The following BTRC variants were observed in gnomAD, a reference collection of about 807,000 sequenced individuals.
The protein encoded by BTRC is F-box/WD repeat-containing protein 1A.
BTRC carries 42 observed loss-of-function variants against 85.5 expected under a neutral mutation model. The ratio of observed to expected loss-of-function variants is 0.49; its 90% CI spans 0.38 to 0.64. The LOEUF (loss-of-function observed/expected upper bound fraction) is 0.64, where lower values mean the gene tolerates loss of function less well. Ranked by LOEUF, BTRC falls within the 30% of genes least tolerant of loss-of-function variation. The pLI is 0.00. For synonymous variants in BTRC, 255 were observed against 263.3 expected, an observed-to-expected ratio of 0.97 and a Z score of 0.30; for missense variants, 594 against 743.5, an observed-to-expected ratio of 0.80 and a Z score of 2.34.
intron 2 of BTRC, among the ~76,000 whole-genome samples, chr10:101,460,614 G>A (rs1945198975): frequency 6.6e-6 from 1 of 152,168 alleles, no homozygotes; most frequent in African/African-American, 2.4e-5. Flanking sequence ...CTTACTAAAG[G>A]TGACACACAG....
chr10:101,460,533 T>TA (rs1414742822), intron 2 of BTRC, among the ~76,000 whole-genome samples: 1 of 152,204 alleles, frequency 6.6e-6, no homozygotes, highest in Non-Finnish European at 1.5e-5. Flanking sequence ...ATCACAAATG[T>TA]AAAATATCAA....
intron 1 of BTRC, among the ~76,000 whole-genome samples, chr10:101,417,183 C>T (rs1032981798): frequency 6.6e-6 from 1 of 152,022 alleles, no homozygotes; most frequent in Admixed American, 6.6e-5. Flanking sequence ...TCCACAGATC[C>T]CATTCAAGTT....
intron 1 of BTRC, among the ~76,000 whole-genome samples, chr10:101,372,847 G>A (rs1355046178): frequency 6.6e-6 from 1 of 151,852 alleles, no homozygotes; most frequent in Non-Finnish European, 1.5e-5. Flanking sequence ...GCAACAGAGC[G>A]AGACTGTTTC....
intron 1 of BTRC, among the ~76,000 whole-genome samples, chr10:101,411,161 A>T (rs957086195): frequency 1.3e-5 from 2 of 151,518 alleles, no homozygotes; most frequent in Non-Finnish European, 2.9e-5. Flanking sequence ...ACGCCTGGCT[A>T]TTTTGTTTTT....
chr10:101,535,289 C>T, intron 10 of BTRC, 65 bp from the exon 11 acceptor site: 2 of 1,223,690 alleles, frequency 1.6e-6, no homozygotes, highest in Non-Finnish European at 2.4e-6. Flanking sequence ...TCTAAGACTC[C>T]ATTTGCCATA....
intron 1 of BTRC, among the ~76,000 whole-genome samples, chr10:101,366,879 T>TATATATATATTTATGTATATTA (rs1942421518): frequency 1.3e-4 from 3 of 23,864 alleles, no homozygotes; most frequent in Non-Finnish European, 3.2e-4. Flanking sequence ...AATATATATT[T>TATATATATATTTATGTATATTA]ATATATATTT....
intron 1 of BTRC, among the ~76,000 whole-genome samples, chr10:101,356,207 G>A (rs1037341923): frequency 4.6e-5 from 7 of 152,060 alleles, no homozygotes; most frequent in Admixed American, 2.0e-4. Flanking sequence ...TCACTATGTT[G>A]GCCAGGATGG....
chr10:101,384,630 A>C (rs1195134740), intron 1 of BTRC, among the ~76,000 whole-genome samples: 1 of 152,230 alleles, frequency 6.6e-6, no homozygotes, highest in East Asian at 1.9e-4. Flanking sequence ...TCAAAGGCTC[A>C]GGTTTGGACT....
At position 101,553,735 on chromosome 10, in the gene BTRC, T is replaced by G. The variant is rs2062687405; in HGVS notation, c.*612T>G. On this transcript the variant is annotated 3_prime_UTR_variant, in exon 15 of 15. Transcript: ENST00000370187. ...CACAAGAATGTATACACTGGAAGAT[T>G]TGGGCCTCCTGCCTGCCTTCTCTTT... 5 of 152,838 alleles carry G rather than the reference T, an allele frequency of 3.3e-5. No individual in the cohort carries two copies. The allele number at this position is 152,838 out of a possible 1,614,324, so 9.5% of individuals were successfully genotyped here.
chr10:101,549,713 C>CAAAAAAA lies in BTRC; in HGVS notation c.1657-969_1657-963dup, dbSNP rs755481178. ...GGGGCGAAAGAGCGAGACTCTGTCTCAAAAAAAAAAAAAAAAAAAAAAAGA... is the reference window on the plus strand; with the variant it reads ...GGGGCGAAAGAGCGAGACTCTGTCTCAAAAAAAAAAAAAAAAAAAAAAAAAAAAAAGA... On this transcript the variant is annotated intron_variant, in intron 13 of 14. Transcript: ENST00000370187. 1.6e-3 allele frequency among the ~76,000 whole-genome samples: 68 copies of CAAAAAAA among 42,756 alleles called. 9 individuals carry two copies. Among genetic ancestry groups the CAAAAAAA allele is most frequent in the African/African-American group, 4.1e-3 (32 of 7,734 alleles). 28.0% of individuals were successfully genotyped at this position (42,756 alleles called of 152,430 possible). A position where few individuals can be genotyped will look rare whatever the true frequency, so the allele number is the denominator to read the frequency against.
intron 1 of BTRC, among the ~76,000 whole-genome samples, chr10:101,419,611 C>G (rs1944042699): frequency 6.6e-6 from 1 of 152,178 alleles, no homozygotes; most frequent in Admixed American, 6.5e-5. Context: ...AGCGTGCAAA[C>G]CAAGAAGGCA....
At chr10:101,455,983 A>AACACACACACACAC (rs745628596) in intron 2 of BTRC, among the ~76,000 whole-genome samples, 9,649 of 95,958 alleles carry the variant, frequency 0.1, 715 homozygotes, top group South Asian at 0.13. Flanking sequence ...CTCTACTAAA[A>AACACACACACACAC]ACACACACAC....
At chr10:101,447,137 AT>A (rs1201332802) in intron 2 of BTRC, among the ~76,000 whole-genome samples, 1 of 152,202 alleles carries the variant, frequency 6.6e-6, no homozygotes, top group Non-Finnish European at 1.5e-5. Flanking sequence ...TAGAGCAGCT[AT>A]TTCAGGAATC....
intron 2 of BTRC, among the ~76,000 whole-genome samples, chr10:101,452,941 A>G (rs544810100): frequency 6.6e-6 from 1 of 152,292 alleles, no homozygotes; most frequent in Admixed American, 6.5e-5. Flanking sequence ...CTGAACTTAA[A>G]TGACCTAAGT....
intron 4 of BTRC, among the ~76,000 whole-genome samples, chr10:101,501,413 A>C (rs759930799): frequency 7.2e-5 from 11 of 152,184 alleles, no homozygotes; most frequent in Non-Finnish European, 1.3e-4. Flanking sequence ...TACTTCCCCC[A>C]GGTTGTATGG....
At chr10:101,500,908 C>T (rs868653159) in intron 4 of BTRC, among the ~76,000 whole-genome samples, 3 of 151,948 alleles carry the variant, frequency 2.0e-5, no homozygotes, top group East Asian at 1.9e-4. Flanking sequence ...TTTTAAAATT[C>T]GAGGGCCAGG....
intron 4 of BTRC, among the ~76,000 whole-genome samples, chr10:101,480,751 A>G (rs1404183441): frequency 1.3e-5 from 2 of 152,240 alleles, no homozygotes; most frequent in Non-Finnish European, 2.9e-5. Context: ...TATAAGAAAT[A>G]TCAGAATTTA....
At position 101,481,790 on chromosome 10, in the gene BTRC, C is replaced by T. The variant is rs1037316622; in HGVS notation, c.324+2333C>T. ...CATTATTCTGACACCTATATCCTTT[C>T]GTCATCCTCTTAAATAATCTAATTT... On this transcript the variant is annotated intron_variant, in intron 4 of 14. Transcript: ENST00000370187. Among the ~76,000 whole-genome samples the T allele has an allele frequency of 3.9e-5, 6 of 152,122 alleles. 1 individual carries two copies. Among genetic ancestry groups the T allele is most frequent in the Non-Finnish European group, 7.3e-5 (5 of 68,046 alleles).
chr10:101,498,824 C>A (rs1946330174), intron 4 of BTRC, among the ~76,000 whole-genome samples: 1 of 152,038 alleles, frequency 6.6e-6, no homozygotes, highest in Admixed American at 6.5e-5. Context: ...AACCCCGTCT[C>A]TACTAAAAAT....
Sources: gnomAD v4.1 joint callset for allele counts (sites outside exome capture counted in the v4.1 genomes callset) on GRCh38, gnomAD v4.1.1 for gene constraint, MANE v1.5 for transcripts, NCBI Gene and HGNC (gene_info 2026-07-23, HGNC 2026-07-21) for gene names.